The following ZNF804B variants were observed in gnomAD, a reference collection of about 807,000 sequenced individuals.
The protein encoded by ZNF804B is zinc finger 804B.
ZNF804B carries 80 observed loss-of-function variants against 101.4 expected under a neutral mutation model. The ratio of observed to expected loss-of-function variants is 0.79; its 90% confidence interval spans 0.66 to 0.95. ZNF804B has a LOEUF of 0.95. Among genes scored for constraint, ZNF804B ranks in the 40% least tolerant of loss-of-function variants. ZNF804B has a pLI of 0.00. For missense variants in ZNF804B, 1,673 were observed against 1,561.9 expected (o/e 1.07, Z -1.20); for synonymous variants, 622 against 558.8 (o/e 1.11, Z -1.59).
intron 1 of ZNF804B, among the ~76,000 whole-genome samples, chr7:89,083,092 T>A (rs1034972291): frequency 6.6e-6 from 1 of 151,842 alleles, no homozygotes; most frequent in African/African-American, 2.4e-5. Flanking sequence ...TGTAAATGCC[T>A]TTTGTAAATG....
At chr7:88,805,549 G>A (rs1790672031) in intron 1 of ZNF804B, among the ~76,000 whole-genome samples, 1 of 152,126 alleles carries the variant, frequency 6.6e-6, no homozygotes, top group Non-Finnish European at 1.5e-5. Flanking sequence ...AGCAGTTGTG[G>A]ACAATTGAGA....
chr7:89,298,212 GTGTGTATATA>G (rs1262963117), intron 2 of ZNF804B, among the ~76,000 whole-genome samples: 20 of 65,266 alleles, frequency 3.1e-4, no homozygotes, highest in Admixed American at 1.4e-3. Flanking sequence ...GTGTGTGTGT[GTGTGTATATA>G]TATATATATA....
At chr7:89,235,373 G>A (rs757175282) in intron 2 of ZNF804B, among the ~76,000 whole-genome samples, 2 of 152,136 alleles carry the variant, frequency 1.3e-5, no homozygotes, top group Non-Finnish European at 2.9e-5. Flanking sequence ...CTAAATGGAA[G>A]TAAACGAAAA....
At chr7:89,211,972 A>G (rs1014476311) in intron 1 of ZNF804B, among the ~76,000 whole-genome samples, 1 of 152,104 alleles carries the variant, frequency 6.6e-6, no homozygotes, top group African/African-American at 2.4e-5. Flanking sequence ...TTTCCTATCC[A>G]TGAGCATGGA....
chr7:89,117,384 T>C (rs1409435817), intron 1 of ZNF804B, among the ~76,000 whole-genome samples: 1 of 152,210 alleles, frequency 6.6e-6, no homozygotes, highest in Non-Finnish European at 1.5e-5. Context: ...TTCTCATATG[T>C]CTCTTCCAAA....
intron 1 of ZNF804B, among the ~76,000 whole-genome samples, chr7:88,954,140 A>G (rs764550149): frequency 5.9e-5 from 9 of 151,794 alleles, no homozygotes; most frequent in Admixed American, 2.0e-4. Context: ...TATTTTCAGA[A>G]AAGTTTGAAA....
At chr7:89,067,742 C>T (rs988520744) in intron 1 of ZNF804B, among the ~76,000 whole-genome samples, 14 of 152,114 alleles carry the variant, frequency 9.2e-5, no homozygotes, top group Middle Eastern at 3.4e-3. Context: ...GTCAAACAGC[C>T]TGAGTTCAAA....
intron 2 of ZNF804B, among the ~76,000 whole-genome samples, chr7:89,298,244 A>AG (rs1790419310): frequency 1.7e-5 from 2 of 117,248 alleles, no homozygotes; most frequent in Non-Finnish European, 3.5e-5. Flanking sequence ...ATATATATAT[A>AG]TATATATATA....
At chr7:88,979,732 C>T (rs2116129978) in intron 1 of ZNF804B, among the ~76,000 whole-genome samples, 1 of 150,694 alleles carries the variant, frequency 6.6e-6, no homozygotes, top group Non-Finnish European at 1.5e-5. Flanking sequence ...CCTTCTTGTA[C>T]TTTTCAATAT....
chr7:88,794,326 T>C, intron 1 of ZNF804B: 7 of 1,613,924 alleles, frequency 4.3e-6, no homozygotes, highest in Non-Finnish European at 5.9e-6. Context: ...GAGGAGTAGG[T>C]CAGGTGCAAC....
chr7:89,171,654 C>T (rs367978479), intron 1 of ZNF804B, among the ~76,000 whole-genome samples: 41 of 152,108 alleles, frequency 2.7e-4, no homozygotes, highest in East Asian at 2.5e-3. Flanking sequence ...AGGCTGGTCT[C>T]GAACTCCTGA....
intron 1 of ZNF804B, among the ~76,000 whole-genome samples, chr7:89,189,013 T>C (rs1328841423): frequency 6.6e-6 from 1 of 152,124 alleles, no homozygotes; most frequent in African/African-American, 2.4e-5. Context: ...GAGGCTTCTA[T>C]TGGAAGAAGA....
intron 1 of ZNF804B, among the ~76,000 whole-genome samples, chr7:88,765,761 C>T (rs561019601): frequency 6.6e-6 from 1 of 152,072 alleles, no homozygotes; most frequent in Non-Finnish European, 1.5e-5. Flanking sequence ...ATTGATTTCA[C>T]AAATCAGGTT....
At chr7:89,217,021 G>A (rs574397576) in intron 1 of ZNF804B, among the ~76,000 whole-genome samples, 23 of 152,250 alleles carry the variant, frequency 1.5e-4, no homozygotes, top group Admixed American at 3.9e-4. Context: ...ATTAATTTGC[G>A]TAGTGCATAT....
At chr7:89,261,596 A>G (rs1017750473) in intron 2 of ZNF804B, among the ~76,000 whole-genome samples, 26 of 152,264 alleles carry the variant, frequency 1.7e-4, no homozygotes, top group Admixed American at 6.5e-4. Flanking sequence ...TCATTGTGGG[A>G]ACACCAAAAA....
intron 1 of ZNF804B, among the ~76,000 whole-genome samples, chr7:88,814,491 C>G (rs925204319): frequency 3.6e-5 from 5 of 137,768 alleles, no homozygotes; most frequent in African/African-American, 1.1e-4. Context: ...CACACACACA[C>G]AGAAAGTTTA....
intron 1 of ZNF804B, among the ~76,000 whole-genome samples, chr7:89,139,021 G>T (rs202166063): frequency 6.6e-6 from 1 of 151,998 alleles, no homozygotes; most frequent in Non-Finnish European, 1.5e-5. Flanking sequence ...GCACGTGCAC[G>T]CATGTGTGTG....
In ZNF804B at chr7:88,987,126, T is replaced by C. The variant is rs187576764; in HGVS notation, c.108+227042T>C. ...CTTGATTATTACAATTGCATGAAAT[T>C]TTATTCCTTACTAAGCTCTCTTCAT... On this transcript the variant is annotated intron_variant, in intron 1 of 3. Coordinates refer to ENST00000333190, the MANE Select transcript of ZNF804B (RefSeq NM_181646.5). Among the ~76,000 whole-genome samples, 488 of 152,220 alleles carry C rather than the reference T, an allele frequency of 3.2e-3. 2 individuals carry two copies. The highest frequency in any genetic ancestry group is 0.01 in the Middle Eastern group (3 of 294).
intron 2 of ZNF804B, among the ~76,000 whole-genome samples, chr7:89,281,135 A>G (rs1320431133): frequency 6.6e-6 from 1 of 152,184 alleles, no homozygotes; most frequent in Admixed American, 6.5e-5. Context: ...GCATTACTTT[A>G]AGGTATTCTT....
Sources: gnomAD v4.1 joint callset for allele counts (sites outside exome capture counted in the v4.1 genomes callset) on GRCh38, gnomAD v4.1.1 for gene constraint, MANE v1.5 for transcripts, NCBI Gene and HGNC (gene_info 2026-07-23, HGNC 2026-07-21) for gene names.